ENTREP2: variants seen among roughly 807,000 people sequenced by gnomAD.
ENTREP2 encodes protein ENTREP2.
At chr15:29,381,739 G>A in the ENTREP2 span, 2 of 1,542,224 alleles carry the variant, frequency 1.3e-6, no homozygotes, top group Admixed American at 2.0e-5. Context: ...GTGGAACCCT[G>A]CTCCAAGGCC....
At chr15:29,550,313 C>T in the ENTREP2 span, among the ~76,000 whole-genome samples, 1 of 152,110 alleles carries the variant, frequency 6.6e-6, no homozygotes, top group Non-Finnish European at 1.5e-5. Context: ...CATATTAAAA[C>T]AGAGTTGATC....
chr15:29,628,556 T>C, the ENTREP2 span, among the ~76,000 whole-genome samples: 1 of 152,340 alleles, frequency 6.6e-6, no homozygotes, highest in African/African-American at 2.4e-5. Flanking sequence ...GTTCAGTTCA[T>C]CTGTATCTTT....
chr15:29,635,512 G>C, the ENTREP2 span, among the ~76,000 whole-genome samples: 1 of 152,162 alleles, frequency 6.6e-6, no homozygotes, highest in South Asian at 2.1e-4. Flanking sequence ...AGGGGACACA[G>C]AGGACACAGA....
chr15:29,568,921 T>A, the ENTREP2 span, among the ~76,000 whole-genome samples: 1 of 152,092 alleles, frequency 6.6e-6, no homozygotes, highest in Non-Finnish European at 1.5e-5. Context: ...GGCAGTTCTC[T>A]CTCCACACCC....
At chr15:29,453,283 C>T in the ENTREP2 span, among the ~76,000 whole-genome samples, 2 of 152,150 alleles carry the variant, frequency 1.3e-5, no homozygotes, top group Non-Finnish European at 2.9e-5. Context: ...CTGCAAGGCA[C>T]GGCAGGACAA....
the ENTREP2 span, among the ~76,000 whole-genome samples, chr15:29,225,820 C>A: frequency 2.0e-5 from 3 of 152,206 alleles, no homozygotes; most frequent in African/African-American, 7.2e-5. Flanking sequence ...CGGGCCTTGT[C>A]CCCAACCACT....
chr15:29,174,702 C>CAAAAAAAAAAAAAAAAAAAAA, the ENTREP2 span, among the ~76,000 whole-genome samples: 5 of 115,974 alleles, frequency 4.3e-5, no homozygotes, highest in African/African-American at 4.2e-5. Context: ...CAAAACAAAA[C>CAAAAAAAAAAAAAAAAAAAAA]AAAACAACAA....
At chr15:29,541,279 C>T in the ENTREP2 span, among the ~76,000 whole-genome samples, 10 of 152,322 alleles carry the variant, frequency 6.6e-5, no homozygotes, top group East Asian at 1.9e-3. Flanking sequence ...CTCATCTGTT[C>T]ACTCGCTCCT....
the ENTREP2 span, among the ~76,000 whole-genome samples, chr15:29,142,915 T>G: frequency 6.6e-6 from 1 of 152,228 alleles, no homozygotes; most frequent in African/African-American, 2.4e-5. Flanking sequence ...AAAAACCTTT[T>G]CTGCTAAATG....
the ENTREP2 span, among the ~76,000 whole-genome samples, chr15:29,339,433 C>T: frequency 2.0e-5 from 3 of 152,278 alleles, no homozygotes; most frequent in African/African-American, 2.4e-5. Context: ...TCCAAGGATC[C>T]GTGTTTAACT....
the ENTREP2 span, among the ~76,000 whole-genome samples, chr15:29,556,767 C>CGCCCCCG: frequency 9.0e-6 from 1 of 110,922 alleles, no homozygotes; most frequent in East Asian, 2.7e-4. Flanking sequence ...CAGGTGCCCC[C>CGCCCCCG]CCCCCGCCCC....
chr15:29,357,563 C>T, the ENTREP2 span, among the ~76,000 whole-genome samples: 3 of 152,092 alleles, frequency 2.0e-5, no homozygotes, highest in South Asian at 2.1e-4. Flanking sequence ...CTCAGCCAGG[C>T]GTGGTGGCTC....
the ENTREP2 span, among the ~76,000 whole-genome samples, chr15:29,361,138 A>G: frequency 1.3e-5 from 2 of 152,112 alleles, no homozygotes; most frequent in African/African-American, 4.8e-5. Context: ...CACCCATCCA[A>G]TAATATTTGG....
At chr15:29,342,282 C>G in the ENTREP2 span, among the ~76,000 whole-genome samples, 1 of 152,194 alleles carries the variant, frequency 6.6e-6, no homozygotes, top group Non-Finnish European at 1.5e-5. Flanking sequence ...GACTGCTGTG[C>G]GTTCCATGCA....
chr15:29,123,801 C>T, the ENTREP2 span: 10 of 784,672 alleles, frequency 1.3e-5, no homozygotes, highest in East Asian at 2.7e-5. Context: ...CTGCTGTCCC[C>T]ATCCCTCCTC....
chr15:29,503,257 C>A, the ENTREP2 span, among the ~76,000 whole-genome samples: 1,041 of 152,204 alleles, frequency 6.8e-3, 7 homozygotes, highest in African/African-American at 0.024. Context: ...ATGTCATTTT[C>A]CACAAAAAGG....
the ENTREP2 span, among the ~76,000 whole-genome samples, chr15:29,193,788 G>A: frequency 6.6e-6 from 1 of 152,184 alleles, no homozygotes. Context: ...ACTGAGTTTA[G>A]TCAAGACCAC....
At chr15:29,269,743 C>G in the ENTREP2 span, 1 of 1,441,832 alleles carries the variant, frequency 6.9e-7, no homozygotes, top group South Asian at 1.5e-5. Flanking sequence ...CTCCGGTAGG[C>G]AAGCAGCCGC....
the ENTREP2 span, among the ~76,000 whole-genome samples, chr15:29,169,541 C>T: frequency 3.3e-5 from 5 of 151,944 alleles, no homozygotes; most frequent in South Asian, 2.1e-4. Context: ...ATGCAAAAGT[C>T]CTAAATAAAA....
Sources: gnomAD v4.1 joint callset for allele counts (sites outside exome capture counted in the v4.1 genomes callset) on GRCh38, gnomAD v4.1.1 for gene constraint, MANE v1.5 for transcripts, NCBI Gene and HGNC (gene_info 2026-07-23, HGNC 2026-07-21) for gene names.